Variants in DIAPH2 observed in about 807,000 individuals in gnomAD.
The protein encoded by DIAPH2 is diaphanous related formin 2, also known as protein diaphanous homolog 2.
DIAPH2 carries 35 observed loss-of-function variants against 92.7 expected under a neutral mutation model. The observed-to-expected ratio is 0.38, with a 90% CI of 0.29 to 0.50. The LOEUF is 0.50. Ranked by LOEUF, DIAPH2 falls within the 20% of genes least tolerant of loss-of-function variation. The pLI, the probability that DIAPH2 is intolerant of heterozygous loss-of-function variation, is 0.94. For synonymous variants in DIAPH2, 301 were observed against 280.4 expected (o/e 1.07, Z -0.73); for missense variants, 701 against 819.5 (o/e 0.86, Z 1.77).
intron 17 of DIAPH2, among the ~76,000 whole-genome samples, chrX:97,040,499 A>G (rs768882947): frequency 9.1e-6 from 1 of 110,325 alleles, no homozygotes; most frequent in Non-Finnish European, 1.9e-5. Context: ...CTGCTCTATT[A>G]GTCTGTATTT....
chrX:96,753,834 A>G (rs1252190429), intron 3 of DIAPH2, among the ~76,000 whole-genome samples: 1 of 112,275 alleles, frequency 8.9e-6, no homozygotes, highest in Non-Finnish European at 1.9e-5. Flanking sequence ...AAATGTCTTA[A>G]TGAAAAAGAC....
chrX:96,855,600 A>G (rs1258263153), intron 4 of DIAPH2, among the ~76,000 whole-genome samples: 2 of 109,319 alleles, frequency 1.8e-5, no homozygotes, highest in Non-Finnish European at 3.8e-5. Flanking sequence ...ATATAAATAT[A>G]GATATAAAAC....
chrX:97,323,451 C>T (rs1454386415), intron 23 of DIAPH2, among the ~76,000 whole-genome samples: 2 of 103,189 alleles, frequency 1.9e-5, no homozygotes, highest in Non-Finnish European at 4.0e-5. Context: ...ATTAGCCGGG[C>T]GTGGTGGCGG....
intron 26 of DIAPH2, among the ~76,000 whole-genome samples, chrX:97,505,088 G>A (rs2070823222): frequency 8.9e-6 from 1 of 112,399 alleles, no homozygotes; most frequent in African/African-American, 3.2e-5. Context: ...ATCCTAATCT[G>A]TTCAAACATC....
chrX:97,491,711 AG>A, intron 26 of DIAPH2, among the ~76,000 whole-genome samples: 1 of 112,116 alleles, frequency 8.9e-6, no homozygotes. Context: ...TTACATTTCA[AG>A]TAATTATTGA....
chrX:97,549,551 G>A (rs1161004146), intron 26 of DIAPH2, among the ~76,000 whole-genome samples: 1 of 111,391 alleles, frequency 9.0e-6, no homozygotes, highest in Non-Finnish European at 1.9e-5. Flanking sequence ...ATACTTAAGT[G>A]TGTATTTCTT....
At chrX:96,883,398 G>C (rs1344035338) in intron 5 of DIAPH2, among the ~76,000 whole-genome samples, 1 of 94,661 alleles carries the variant, frequency 1.1e-5, no homozygotes, top group Non-Finnish European at 2.1e-5. Flanking sequence ...TTTTTTTTTT[G>C]AGACGGAGTT....
At chrX:97,281,128 T>C (rs957989266) in intron 23 of DIAPH2, among the ~76,000 whole-genome samples, 17 of 112,092 alleles carry the variant, frequency 1.5e-4, no homozygotes, top group Non-Finnish European at 3.0e-4. Flanking sequence ...TGTAGGATTG[T>C]TTTATATTTA....
At chrX:97,256,733 C>T (rs773950382) in intron 23 of DIAPH2, among the ~76,000 whole-genome samples, 2 of 111,491 alleles carry the variant, frequency 1.8e-5, no homozygotes, top group Non-Finnish European at 3.8e-5. Context: ...GGCGCCATCT[C>T]GGCTCACTGC....
chrX:97,193,399 G>T lies in DIAPH2; in HGVS notation c.2719+51605G>T, dbSNP rs1165815879. On this transcript the variant is annotated intron_variant, in intron 22 of 26. Coordinates refer to ENST00000324765, the MANE Select transcript of DIAPH2 (RefSeq NM_006729.5). ...ATTTATACTTCCTATATTTTGATGT[G>T]CCAGTACTTCATTGGGTTACCTTCA... Among the ~76,000 whole-genome samples the T allele has an allele frequency of 5.4e-5, 6 of 111,434 alleles. No individual in the cohort carries two copies. In the East Asian group the frequency reaches 1.7e-3, roughly 31 times the overall value.
chrX:97,091,461 G>A (rs925298799), intron 19 of DIAPH2, among the ~76,000 whole-genome samples: 2 of 110,159 alleles, frequency 1.8e-5, no homozygotes, highest in African/African-American at 6.6e-5. Flanking sequence ...CTATTTTAGC[G>A]ATGGGGGTCT....
At chrX:96,898,860 G>A (rs1348480672) in intron 5 of DIAPH2, among the ~76,000 whole-genome samples, 1 of 108,049 alleles carries the variant, frequency 9.3e-6, no homozygotes, top group Admixed American at 9.9e-5. Context: ...ATGGTTTTAG[G>A]TCTAACGTTT....
chrX:97,262,811 C>T (rs756700593), intron 23 of DIAPH2, among the ~76,000 whole-genome samples: 20 of 111,471 alleles, frequency 1.8e-4, no homozygotes, highest in Admixed American at 1.1e-3. Context: ...CATGAACAGA[C>T]GGAGAAGAGA....
chrX:97,260,497 A>G (rs999793576), intron 23 of DIAPH2, among the ~76,000 whole-genome samples: 5 of 112,169 alleles, frequency 4.5e-5, no homozygotes, highest in African/African-American at 1.6e-4. Context: ...GTTTATCTAC[A>G]GGTGTTTCAA....
At chrX:97,382,264 C>T (rs1381294837) in intron 24 of DIAPH2, among the ~76,000 whole-genome samples, 1 of 112,326 alleles carries the variant, frequency 8.9e-6, no homozygotes, top group Non-Finnish European at 1.9e-5. Context: ...AGATAATTTA[C>T]ATACCATAAA....
At chrX:97,274,928 A>T (rs1371208613) in intron 23 of DIAPH2, among the ~76,000 whole-genome samples, 1 of 111,367 alleles carries the variant, frequency 9.0e-6, no homozygotes, top group East Asian at 2.8e-4. Flanking sequence ...GAGTGGACAC[A>T]GCACATGTTT....
At chrX:96,983,623 A>G (rs1168940461) in intron 17 of DIAPH2, among the ~76,000 whole-genome samples, 1 of 111,680 alleles carries the variant, frequency 9.0e-6, no homozygotes, top group Non-Finnish European at 1.9e-5. Context: ...AGGCAAGTCA[A>G]TAAGTTGTTG....
intron 22 of DIAPH2, among the ~76,000 whole-genome samples, chrX:97,201,729 T>C (rs1602413482): frequency 9.0e-6 from 1 of 110,590 alleles, no homozygotes; most frequent in South Asian, 3.9e-4. Context: ...TGGAACCAAG[T>C]TGGAAAACAC....
At position 97,033,154 on chromosome X, in the gene DIAPH2, A is replaced by G. The variant is rs148677718; in HGVS notation, c.2051-39787A>G. Reference sequence around the variant, plus strand: ...AATATGCTATAAAAATTTTGTTGAGAATATTTGATCTTCAGATATAGTTAG... The same window carrying G: ...AATATGCTATAAAAATTTTGTTGAGGATATTTGATCTTCAGATATAGTTAG... On this transcript the variant is annotated intron_variant, in intron 17 of 26. Coordinates refer to ENST00000324765, the MANE Select transcript of DIAPH2 (RefSeq NM_006729.5). Among the ~76,000 whole-genome samples, 725 of 112,123 alleles carry G rather than the reference A, an allele frequency of 6.5e-3. 7 individuals carry two copies. Among genetic ancestry groups the G allele is most frequent in the African/African-American group, 0.023 (707 of 30,996 alleles).
Sources: gnomAD v4.1 joint callset for allele counts (sites outside exome capture counted in the v4.1 genomes callset) on GRCh38, gnomAD v4.1.1 for gene constraint, MANE v1.5 for transcripts, NCBI Gene and HGNC (gene_info 2026-07-23, HGNC 2026-07-21) for gene names.